The following TOX3 variants were observed in gnomAD, a reference collection of about 807,000 sequenced individuals.
TOX3 encodes the protein TOX high mobility group box family member 3, also known as CAG trinucleotide repeat-containing gene F9 protein.
In TOX3, 22 loss-of-function variants were observed where a neutral mutation model predicts 64.3. That is an observed-to-expected ratio of 0.34 (90% CI 0.24 to 0.49). The LOEUF (loss-of-function observed/expected upper bound fraction) is 0.49. TOX3 is among the 20% of genes least tolerant of loss of function. TOX3 has a pLI of 0.99. For synonymous variants in TOX3, 291 were observed against 273.6 expected (o/e 1.06, Z -0.63); for missense variants, 661 against 714.4 (o/e 0.93, Z 0.85).
At chr16:52,533,772 C>T (rs952804031) in intron 1 of TOX3, among the ~76,000 whole-genome samples, 1 of 152,044 alleles carries the variant, frequency 6.6e-6, no homozygotes, top group Non-Finnish European at 1.5e-5. Context: ...GCACTCAAAG[C>T]GAAGACTGGA....
At chr16:52,509,219 T>C (rs184902079) in intron 1 of TOX3, among the ~76,000 whole-genome samples, 95 of 152,296 alleles carry the variant, frequency 6.2e-4, no homozygotes, top group Non-Finnish European at 1.1e-3. Context: ...ACAAAGAACA[T>C]CTAAAAGATT....
At chr16:52,530,040 A>T (rs562475943) in intron 1 of TOX3, among the ~76,000 whole-genome samples, 1 of 152,216 alleles carries the variant, frequency 6.6e-6, no homozygotes, top group Non-Finnish European at 1.5e-5. Context: ...GGTTATCTGG[A>T]TGAACGGAAG....
intron 2 of TOX3, among the ~76,000 whole-genome samples, chr16:52,464,475 A>G (rs1465182430): frequency 6.6e-6 from 1 of 152,190 alleles, no homozygotes; most frequent in Non-Finnish European, 1.5e-5. Flanking sequence ...TGTTAGTTGG[A>G]GCATATAACA....
chr16:52,499,018 A>T (rs1359451556), intron 1 of TOX3, among the ~76,000 whole-genome samples: 2 of 152,258 alleles, frequency 1.3e-5, no homozygotes, highest in Non-Finnish European at 1.5e-5. Flanking sequence ...TTTACATTAC[A>T]GTCCCATTAT....
chr16:52,517,579 C>A (rs1035423266), intron 1 of TOX3, among the ~76,000 whole-genome samples: 9 of 152,038 alleles, frequency 5.9e-5, no homozygotes, highest in African/African-American at 1.9e-4. Flanking sequence ...GATAAAATAT[C>A]AGAGTCATGA....
intron 2 of TOX3, among the ~76,000 whole-genome samples, chr16:52,467,342 G>A (rs532377184): frequency 1.3e-5 from 2 of 152,196 alleles, no homozygotes; most frequent in South Asian, 4.1e-4. Context: ...ACAGCAGCCA[G>A]TGCCAAACAA....
intron 1 of TOX3, among the ~76,000 whole-genome samples, chr16:52,514,063 A>C (rs566143079): frequency 3.9e-5 from 6 of 152,356 alleles, no homozygotes; most frequent in African/African-American, 1.2e-4. Flanking sequence ...CCACTGCAGA[A>C]AAGGGAGAGC....
intron 1 of TOX3, among the ~76,000 whole-genome samples, chr16:52,524,868 T>C (rs951098524): frequency 2.0e-5 from 3 of 152,098 alleles, no homozygotes; most frequent in African/African-American, 7.2e-5. Context: ...CACTTATGCA[T>C]GATGCTGTTT....
At chr16:52,453,722 C>T (rs924195195) in intron 3 of TOX3, among the ~76,000 whole-genome samples, 7 of 152,100 alleles carry the variant, frequency 4.6e-5, no homozygotes, top group African/African-American at 7.2e-5. Context: ...TATAGGTGCT[C>T]GATTGACTCA....
At chr16:52,474,253 T>A (rs1198386667) in intron 1 of TOX3, among the ~76,000 whole-genome samples, 1 of 152,178 alleles carries the variant, frequency 6.6e-6, no homozygotes, top group East Asian at 1.9e-4. Context: ...TTTCCAACTG[T>A]ACCCAAAATG....
chr16:52,465,551 T>C (rs2151757215), intron 2 of TOX3, among the ~76,000 whole-genome samples: 1 of 147,028 alleles, frequency 6.8e-6, no homozygotes, highest in African/African-American at 2.5e-5. Flanking sequence ...AGAGTCAAAC[T>C]TATAGTTCAT....
At chr16:52,450,225 G>T in intron 4 of TOX3, 52 bp downstream of exon 4, 1 of 1,602,526 alleles carries the variant, frequency 6.2e-7, no homozygotes, top group South Asian at 1.1e-5. Flanking sequence ...AAACAGCATG[G>T]GGTAATCCCA....
At chr16:52,491,386 CA>C (rs1961683187) in intron 1 of TOX3, among the ~76,000 whole-genome samples, 1 of 152,140 alleles carries the variant, frequency 6.6e-6, no homozygotes. Flanking sequence ...CCCCAGTAGA[CA>C]TGTAATCTTA....
At chr16:52,445,915 T>G in intron 5 of TOX3, 79 bp downstream of exon 5, 2 of 1,318,080 alleles carry the variant, frequency 1.5e-6, no homozygotes, top group Non-Finnish European at 2.1e-6. Context: ...AGTGAACACA[T>G]GCACTTGGAA....
intron 1 of TOX3, among the ~76,000 whole-genome samples, chr16:52,490,735 T>A (rs1596821232): frequency 1.4e-5 from 2 of 146,428 alleles, no homozygotes; most frequent in South Asian, 4.6e-4. Flanking sequence ...ACTCAACCAA[T>A]CCTCCCACCT....
chr16:52,525,694 TAC>T lies in TOX3; in HGVS notation c.87+20941_87+20942del, dbSNP rs147512558. Among the ~76,000 whole-genome samples the T allele has an allele frequency of 7.6e-3, 1,155 of 151,630 alleles. 14 individuals carry two copies. Among genetic ancestry groups the T allele is most frequent in the African/African-American group, 0.026 (1,059 of 41,406 alleles). ...AAATGCAAGTGCGTGCATGCCTGCG[TAC>T]ACACACACACACGCACACCATTCCA... is the stretch of plus-strand genomic sequence containing the variant. On this transcript the variant is annotated intron_variant, in intron 1 of 6. Coordinates refer to ENST00000219746, the MANE Select transcript of TOX3 (RefSeq NM_001080430.4).
At position 52,446,057 on chromosome 16, in the gene TOX3, G is replaced by T. The variant is rs1960152702; in HGVS notation, c.843C>A (p.Thr281=). 6.2e-7 allele frequency: 1 copy of T among 1,613,930 alleles called. No individual in the cohort carries two copies. The highest frequency in any genetic ancestry group is 8.5e-7 in the Non-Finnish European group (1 of 1,179,848). The change falls in exon 5 of 7, where the codon ACC becomes ACA. Residue 281 remains threonine (T), a synonymous_variant. Coordinates refer to ENST00000219746, the MANE Select transcript of TOX3 (RefSeq NM_001080430.4). ...AAIKGQNPNA[T]FGEVSKIVAS... ...CTACAATTTTTGAGACCTCTCCAAA[G>T]GTTGCATTGGGGTTTTGACCTTTAA...
intron 1 of TOX3, among the ~76,000 whole-genome samples, chr16:52,526,395 T>C (rs555427853): frequency 7.3e-4 from 111 of 152,318 alleles, no homozygotes; most frequent in Non-Finnish European, 9.6e-4. Context: ...GAGATTACCC[T>C]TCCAACAAGC....
intron 1 of TOX3, among the ~76,000 whole-genome samples, chr16:52,469,113 A>G (rs965303774): frequency 2.6e-5 from 4 of 152,240 alleles, no homozygotes; most frequent in Non-Finnish European, 4.4e-5. Flanking sequence ...ATCTCCAAAC[A>G]GAGCTTAAAG....
Sources: gnomAD v4.1 joint callset for allele counts (sites outside exome capture counted in the v4.1 genomes callset) on GRCh38, gnomAD v4.1.1 for gene constraint, MANE v1.5 for transcripts, NCBI Gene and HGNC (gene_info 2026-07-23, HGNC 2026-07-21) for gene names.